Variants in TBC1D5 observed in about 807,000 individuals in gnomAD.
TBC1D5 encodes TBC1 domain family, member 5.
A neutral mutation model predicts 100.3 loss-of-function variants in TBC1D5; 75 were observed. That is an observed-to-expected ratio of 0.75 (90% confidence interval 0.62 to 0.91). The LOEUF (loss-of-function observed/expected upper bound fraction) is 0.91. TBC1D5 is among the 40% of genes least tolerant of loss of function. TBC1D5 has a pLI of 0.00. For synonymous variants in TBC1D5, 323 were observed against 325.6 expected (o/e 0.99, Z 0.09); for missense variants, 910 against 942.4 (o/e 0.97, Z 0.45).
exon 13 of TBC1D5, chr3:17,372,181 T>C (rs985564080): frequency 1.2e-5 from 20 of 1,613,680 alleles, no homozygotes; most frequent in African/African-American, 1.1e-4. Flanking sequence ...TTAGTAACAA[T>C]AGCAATTGTT....
At chr3:17,703,430 T>A (rs147864322) in intron 1 of TBC1D5, among the ~76,000 whole-genome samples, 182 of 152,252 alleles carry the variant, frequency 1.2e-3, no homozygotes, top group African/African-American at 4.2e-3. Flanking sequence ...TTTTAAGATA[T>A]ATTAAACATT....
chr3:17,198,062 C>T (rs538578533), intron 18 of TBC1D5, among the ~76,000 whole-genome samples: 80 of 152,164 alleles, frequency 5.3e-4, no homozygotes, highest in African/African-American at 1.9e-3. Flanking sequence ...GTTCTGAAGA[C>T]GACTGTTCAA....
intron 2 of TBC1D5, among the ~76,000 whole-genome samples, chr3:17,543,294 T>G (rs576320758): frequency 6.6e-6 from 1 of 152,194 alleles, no homozygotes; most frequent in Non-Finnish European, 1.5e-5. Context: ...GGGGTGGCGT[T>G]CCTAATCAAA....
chr3:17,227,892 TA>T (rs2075065508), intron 17 of TBC1D5, among the ~76,000 whole-genome samples: 1 of 150,692 alleles, frequency 6.6e-6, no homozygotes, highest in Non-Finnish European at 1.5e-5. Context: ...AAGTTGCTGG[TA>T]CCCTAAACAT....
chr3:17,296,173 T>C (rs555903277), intron 14 of TBC1D5, among the ~76,000 whole-genome samples: 28 of 152,330 alleles, frequency 1.8e-4, no homozygotes, highest in African/African-American at 6.7e-4. Flanking sequence ...TAAAAAGGCA[T>C]ATAAAAACAA....
chr3:17,289,952 C>T (rs544061942), intron 15 of TBC1D5, among the ~76,000 whole-genome samples: 2 of 152,310 alleles, frequency 1.3e-5, no homozygotes, highest in South Asian at 2.1e-4. Context: ...ACTATATCTA[C>T]CATTTTGCAG....
At chr3:17,514,370 GGT>G (rs1264026340) in intron 2 of TBC1D5, among the ~76,000 whole-genome samples, 1 of 152,002 alleles carries the variant, frequency 6.6e-6, no homozygotes, top group African/African-American at 2.4e-5. Context: ...ATCACCCCTT[GGT>G]AAAACCCTGA....
chr3:17,476,548 G>GTTT (rs34030779), intron 3 of TBC1D5, among the ~76,000 whole-genome samples: 1 of 151,336 alleles, frequency 6.6e-6, no homozygotes, highest in South Asian at 2.1e-4. Flanking sequence ...AAATGTGCAT[G>GTTT]TTTTTTTTCA....
At chr3:17,435,463 C>T (rs2094518999) in intron 3 of TBC1D5, among the ~76,000 whole-genome samples, 1 of 152,114 alleles carries the variant, frequency 6.6e-6, no homozygotes, top group African/African-American at 2.4e-5. Flanking sequence ...GCAAATATGT[C>T]CTTCTTCATA....
intron 1 of TBC1D5, among the ~76,000 whole-genome samples, chr3:17,635,623 T>G (rs1166049936): frequency 6.6e-6 from 1 of 151,742 alleles, no homozygotes; most frequent in Non-Finnish European, 1.5e-5. Context: ...GAGGTTGCAG[T>G]GAGCCGAAAT....
At chr3:17,377,122 C>T (rs73156333) in intron 9 of TBC1D5, among the ~76,000 whole-genome samples, 9,228 of 152,034 alleles carry the variant, frequency 0.061, 546 homozygotes, top group African/African-American at 0.15. Flanking sequence ...ATAAAAGAAA[C>T]AACCTTAAGA....
chr3:17,435,822 G>T (rs2094525257), intron 3 of TBC1D5, among the ~76,000 whole-genome samples: 1 of 152,230 alleles, frequency 6.6e-6, no homozygotes, highest in Admixed American at 6.5e-5. Flanking sequence ...GTATTGGAGA[G>T]ATGTAGAAGG....
chr3:17,346,968 T>C (rs890320041), intron 13 of TBC1D5, among the ~76,000 whole-genome samples: 8 of 152,344 alleles, frequency 5.3e-5, no homozygotes, highest in Middle Eastern at 3.4e-3. Flanking sequence ...GACTTTCTAT[T>C]GTGTTCTACA....
At chr3:17,655,278 G>A (rs1254351571) in intron 1 of TBC1D5, among the ~76,000 whole-genome samples, 5 of 143,950 alleles carry the variant, frequency 3.5e-5, no homozygotes, top group Non-Finnish European at 7.5e-5. Flanking sequence ...GACACAGGAA[G>A]GGGAACATCA....
At chr3:17,588,268 A>AAG (rs1484259777) in intron 2 of TBC1D5, among the ~76,000 whole-genome samples, 38 of 152,024 alleles carry the variant, frequency 2.5e-4, no homozygotes, top group Non-Finnish European at 5.5e-4. Context: ...AAAAAAAAAA[A>AAG]AGAGAACACT....
At chr3:17,198,369 G>A (rs554375332) in intron 18 of TBC1D5, among the ~76,000 whole-genome samples, 3 of 152,288 alleles carry the variant, frequency 2.0e-5, no homozygotes, top group South Asian at 4.1e-4. Flanking sequence ...AAGTCTTGGT[G>A]AGTAGCTGTT....
intron 2 of TBC1D5, among the ~76,000 whole-genome samples, chr3:17,533,052 G>C (rs1207156505): frequency 7.4e-6 from 1 of 135,508 alleles, no homozygotes; most frequent in African/African-American, 3.1e-5. Flanking sequence ...ATGAGATCCT[G>C]TCACACACAC....
intron 4 of TBC1D5, among the ~76,000 whole-genome samples, chr3:17,409,557 G>A (rs1049801783): frequency 3.3e-5 from 5 of 151,956 alleles, no homozygotes; most frequent in African/African-American, 9.7e-5. Context: ...TTGGTCTCTT[G>A]CGCTAAACAG....
chr3:17,280,457 T>TA (rs1381089453), intron 15 of TBC1D5, among the ~76,000 whole-genome samples: 2 of 151,812 alleles, frequency 1.3e-5, no homozygotes, highest in East Asian at 1.9e-4. Flanking sequence ...CCCATGCCAA[T>TA]AAAAAACCCT....
Sources: gnomAD v4.1 joint callset for allele counts (sites outside exome capture counted in the v4.1 genomes callset) on GRCh38, gnomAD v4.1.1 for gene constraint, MANE v1.5 for transcripts, NCBI Gene and HGNC (gene_info 2026-07-23, HGNC 2026-07-21) for gene names.